GSG1L: variants seen among roughly 807,000 people sequenced by gnomAD.
The protein encoded by GSG1L is germ cell-specific gene 1-like protein.
In GSG1L, 24 loss-of-function variants were observed where a neutral mutation model predicts 42.1. The ratio of observed to expected loss-of-function variants is 0.57; its 90% CI spans 0.41 to 0.80. The LOEUF (loss-of-function observed/expected upper bound fraction) is 0.80, where lower values mean the gene tolerates loss of function less well. Ranked by LOEUF, GSG1L falls within the 30% of genes least tolerant of loss-of-function variation. The pLI is 0.00. For synonymous variants in GSG1L, 215 were observed against 203.5 expected, an observed-to-expected ratio of 1.06 and a Z score of -0.48; for missense variants, 445 against 472.2, an observed-to-expected ratio of 0.94 and a Z score of 0.53.
intron 1 of GSG1L, among the ~76,000 whole-genome samples, chr16:28,058,966 G>A (rs2086309820): frequency 6.6e-6 from 1 of 152,208 alleles, no homozygotes; most frequent in Non-Finnish European, 1.5e-5. Context: ...TCGGATGCTG[G>A]GTGCAGGATG....
chr16:27,861,326 GA>G (rs959121543), intron 3 of GSG1L, among the ~76,000 whole-genome samples: 1 of 151,986 alleles, frequency 6.6e-6, no homozygotes, highest in African/African-American at 2.4e-5. Context: ...GCAGTGAGCC[GA>G]GATCGCGCCA....
intron 5 of GSG1L, among the ~76,000 whole-genome samples, chr16:27,826,243 A>T (rs1251524642): frequency 6.6e-6 from 1 of 152,088 alleles, no homozygotes; most frequent in African/African-American, 2.4e-5. Flanking sequence ...AGGCTGAGAG[A>T]GGGGCCTGTT....
Position 27,943,566 on chromosome 16 carries a change from C to CTTT in GSG1L, c.397+19587_397+19589dup, listed in dbSNP as rs11385465. Among the ~76,000 whole-genome samples the CTTT allele has an allele frequency of 1.3e-3, 86 of 67,724 alleles. 8 individuals carry two copies. The highest frequency in any genetic ancestry group is 1.7e-3 in the African/African-American group (29 of 16,840). The allele number at this position is 67,724 out of a possible 152,430, so 44.4% of individuals were successfully genotyped here. ...GCTAACATTTTCTTTTTCTTTGTTT[C>CTTT]TTTTTTTTTTTTTTTTTTTTTTTTT... On this transcript the variant is annotated intron_variant, in intron 2 of 6. Transcript: ENST00000447459.
intron 2 of GSG1L, among the ~76,000 whole-genome samples, chr16:27,919,059 C>T (rs1243334230): frequency 1.3e-5 from 2 of 152,182 alleles, no homozygotes; most frequent in Non-Finnish European, 2.9e-5. Flanking sequence ...TTAAAGCTTT[C>T]CATTCTCCTT....
intron 1 of GSG1L, among the ~76,000 whole-genome samples, chr16:27,984,754 C>A (rs2085362075): frequency 6.6e-6 from 1 of 150,878 alleles, no homozygotes; most frequent in South Asian, 2.1e-4. Context: ...TATTTTTTTC[C>A]TTTCTTTTTT....
At chr16:27,851,205 T>C (rs1399432964) in intron 3 of GSG1L, among the ~76,000 whole-genome samples, 2 of 152,120 alleles carry the variant, frequency 1.3e-5, no homozygotes, top group Non-Finnish European at 2.9e-5. Flanking sequence ...CTGTTTGTTT[T>C]TTGTTTTTTA....
At chr16:27,902,568 G>T (rs541317204) in intron 2 of GSG1L, among the ~76,000 whole-genome samples, 1 of 152,088 alleles carries the variant, frequency 6.6e-6, no homozygotes, top group African/African-American at 2.4e-5. Flanking sequence ...GGAGGGAGAG[G>T]GGGGGCCGCT....
chr16:28,044,043 C>T (rs191353346), intron 1 of GSG1L, among the ~76,000 whole-genome samples: 4 of 151,896 alleles, frequency 2.6e-5, no homozygotes, highest in Non-Finnish European at 5.9e-5. Flanking sequence ...CAAAAAAAAA[C>T]TGTATTAAAT....
intron 1 of GSG1L, among the ~76,000 whole-genome samples, chr16:28,026,773 G>A (rs1182682367): frequency 2.0e-5 from 3 of 152,146 alleles, no homozygotes; most frequent in East Asian, 3.9e-4. Context: ...CAAGGCACAC[G>A]ACCAAATTCA....
At chr16:28,003,530 G>C (rs549417315) in intron 1 of GSG1L, among the ~76,000 whole-genome samples, 2 of 152,236 alleles carry the variant, frequency 1.3e-5, no homozygotes, top group Non-Finnish European at 2.9e-5. Context: ...GCCCAGCTCA[G>C]GTCACATGTC....
chr16:27,869,685 CTGT>C (rs2083782565), intron 3 of GSG1L, among the ~76,000 whole-genome samples: 1 of 133,546 alleles, frequency 7.5e-6, no homozygotes, highest in Non-Finnish European at 1.6e-5. Context: ...CCTTCTCTCT[CTGT>C]CTCTGTCTCC....
At chr16:28,051,348 G>A (rs1210604804) in intron 1 of GSG1L, among the ~76,000 whole-genome samples, 1 of 152,168 alleles carries the variant, frequency 6.6e-6, no homozygotes, top group African/African-American at 2.4e-5. Flanking sequence ...CTAGGGGATG[G>A]TTTGGAAAAG....
At chr16:28,014,525 A>T (rs1485302816) in intron 1 of GSG1L, among the ~76,000 whole-genome samples, 1 of 152,092 alleles carries the variant, frequency 6.6e-6, no homozygotes, top group Non-Finnish European at 1.5e-5. Flanking sequence ...TTTTTAAGAG[A>T]CAGGGTCTCG....
intron 1 of GSG1L, among the ~76,000 whole-genome samples, chr16:28,011,191 T>C (rs1424965171): frequency 1.3e-5 from 2 of 152,160 alleles, no homozygotes; most frequent in African/African-American, 4.8e-5. Flanking sequence ...TTCACCAGGA[T>C]GAAGGAAGAA....
At chr16:27,907,050 T>C (rs770074110) in intron 2 of GSG1L, among the ~76,000 whole-genome samples, 32 of 152,338 alleles carry the variant, frequency 2.1e-4, no homozygotes, top group Admixed American at 3.3e-4. Flanking sequence ...GCTAGTATCC[T>C]CAGAGTCTAC....
chr16:27,971,239 G>C (rs760848973), intron 1 of GSG1L, among the ~76,000 whole-genome samples: 3 of 152,172 alleles, frequency 2.0e-5, no homozygotes, highest in Non-Finnish European at 4.4e-5. Context: ...AATTTGGGAA[G>C]TATTGCCGTC....
rs751063139 is a variant in GSG1L, at chr16:27,828,864, C to T, written c.755G>A (p.Arg252His). ...CCGGTAGCCCTGCTCAAAGACCTTGCGCTTGTGCCGGAACTCAATGACCGT... is the reference window on the plus strand; with the variant it reads ...CCGGTAGCCCTGCTCAAAGACCTTGTGCTTGTGCCGGAACTCAATGACCGT... ...TKTVIEFRHKRKVFEQGYREE... is the reference protein window; with the variant it reads ...TKTVIEFRHKHKVFEQGYREE... The change falls in exon 5 of 7, where the codon CGC becomes CAC. Residue 252 changes from arginine to histidine, a missense_variant. By Grantham distance (29) the Arg-to-His change is conservative. This residue lies in a region of GSG1L where 140 missense variants were observed against 120.6 expected (regional missense o/e 1.16). Transcript: ENST00000447459. The T allele has an allele frequency of 5.0e-6, 8 of 1,614,164 alleles. No homozygotes were observed. The Admixed American group carries it at 6.7e-5, about 13-fold the overall frequency.
chr16:27,979,663 G>GAAAGAAAGAA lies in GSG1L; in HGVS notation c.350-16461_350-16460insTTCTTTCTTT, dbSNP rs35672057. 2.0e-4 allele frequency among the ~76,000 whole-genome samples: 17 copies of GAAAGAAAGAA among 83,962 alleles called. 1 individual carries two copies. Among genetic ancestry groups the GAAAGAAAGAA allele is most frequent in the Admixed American group, 2.9e-4 (2 of 6,836 alleles). The allele number at this position is 83,962 out of a possible 152,430, so 55.1% of individuals were successfully genotyped here. The stretch of plus-strand genomic sequence containing the variant: ...GAGGGGAAAGAAAGAAAGAAAGAAA[G>GAAAGAAAGAA]AGAGAGAGAGAGAGAGAAAGAAAGA... On this transcript the variant is annotated intron_variant, in intron 1 of 6. Coordinates refer to ENST00000447459, the MANE Select transcript of GSG1L (RefSeq NM_001109763.2).
chr16:27,999,830 T>C (rs1195540304), intron 1 of GSG1L, among the ~76,000 whole-genome samples: 4 of 152,140 alleles, frequency 2.6e-5, no homozygotes, highest in Non-Finnish European at 5.9e-5. Flanking sequence ...GCACCACAGA[T>C]GAGGGAGAGA....
Sources: allele counts gnomAD v4.1 joint callset (sites outside exome capture counted in the v4.1 genomes callset), GRCh38; gene constraint gnomAD v4.1.1; regional missense constraint gnomAD v4.1.1; transcripts MANE v1.5; gene names NCBI Gene and HGNC (gene_info 2026-07-23, HGNC 2026-07-21).